The following BRD7 variants were observed in gnomAD, a reference collection of about 807,000 sequenced individuals.
BRD7 encodes the protein bromodomain-containing protein 7.
In BRD7, 15 loss-of-function variants were observed where a neutral mutation model predicts 82.1. The ratio of observed to expected loss-of-function variants is 0.18; its 90% confidence interval spans 0.12 to 0.28. The LOEUF (loss-of-function observed/expected upper bound fraction) is 0.28. BRD7 is among the 10% of genes least tolerant of loss of function. The pLI, the probability that BRD7 is intolerant of heterozygous loss-of-function variation, is 1.00. For synonymous variants in BRD7, 232 were observed against 266.9 expected, an observed-to-expected ratio of 0.87 and a Z score of 1.27; for missense variants, 638 against 779.9, an observed-to-expected ratio of 0.82 and a Z score of 2.17.
chr16:50,325,689 C>T, intron 11 of BRD7, 59 bp downstream of exon 11: 1 of 1,456,792 alleles, frequency 6.9e-7, no homozygotes, highest in Non-Finnish European at 9.2e-7. Flanking sequence ...ATCCACAAAT[C>T]ATGTATGTAC....
In BRD7 at chr16:50,354,808, A is replaced by T. The variant is rs201103198; in HGVS notation, c.373T>A (p.Leu125Ile). ...TTATTCCAACCTTCTTGTTTGGCTA[A>T]AGAGCTTGTGAGAGGCTTCTCAGGA... ...LPPEKPLTSS[L>I]AKQEEVEQTP... is the part of the protein sequence containing the mutation. Residue 125 changes from leucine to isoleucine, a missense_variant, in exon 3 of 17, where the codon TTA (leucine) becomes ATA (isoleucine). By Grantham distance (5) the Leu-to-Ile change is conservative. Transcript: ENST00000394688. The T allele has an allele frequency of 2.8e-4, 448 of 1,611,814 alleles. 2 individuals carry two copies. The highest frequency in any genetic ancestry group is 2.1e-3 in the Admixed American group (128 of 59,872).
At chr16:50,332,309 GAAAC>G (rs1295710170) in intron 8 of BRD7, among the ~76,000 whole-genome samples, 2 of 152,180 alleles carry the variant, frequency 1.3e-5, no homozygotes, top group South Asian at 2.1e-4. Context: ...AAATCAACAA[GAAAC>G]AAACAAATAG....
chr16:50,333,527 T>C (rs765443280), intron 8 of BRD7, 47 bp downstream of exon 8: 29 of 1,585,754 alleles, frequency 1.8e-5, no homozygotes, highest in East Asian at 4.5e-5. Flanking sequence ...AAGTTTCAGA[T>C]GCCCCAAATC....
chr16:50,321,173 C>T (rs934000459), intron 13 of BRD7, among the ~76,000 whole-genome samples: 10 of 152,224 alleles, frequency 6.6e-5, no homozygotes, highest in African/African-American at 1.9e-4. Flanking sequence ...CCATCTAGTC[C>T]GTATACTTGC....
intron 4 of BRD7, 50 bp downstream of exon 4, chr16:50,354,375 C>T (rs745917141): frequency 1.7e-5 from 25 of 1,467,386 alleles, no homozygotes; most frequent in Non-Finnish European, 2.1e-5. Flanking sequence ...GGATCCTACA[C>T]ATCTACCATT....
chr16:50,320,882 A>G (rs1360787034), intron 13 of BRD7, 108 bp from the exon 14 acceptor site: 1 of 754,858 alleles, frequency 1.3e-6, no homozygotes, highest in East Asian at 2.5e-5. Context: ...TATTCTACCT[A>G]TTTACTATGG....
At position 50,353,763 on chromosome 16, in the gene BRD7, T is replaced by C. The variant is rs577427357; in HGVS notation, c.446+662A>G. Among the ~76,000 whole-genome samples the C allele has an allele frequency of 8.6e-3, 1,288 of 149,616 alleles. 26 individuals are homozygous for C. Among genetic ancestry groups the C allele is most frequent in the African/African-American group, 0.03 (1,233 of 40,938 alleles). ...CGCCCATCACCATGCCTGGCAATTT[T>C]TTTTTTTTTTTTTTTAAGTACAGAT... On this transcript the variant is annotated intron_variant, in intron 4 of 16. Coordinates refer to ENST00000394688, the MANE Select transcript of BRD7 (RefSeq NM_013263.5).
At chr16:50,364,772 AATC>A (rs779285729) in intron 2 of BRD7, among the ~76,000 whole-genome samples, 4 of 152,268 alleles carry the variant, frequency 2.6e-5, no homozygotes, top group Non-Finnish European at 5.9e-5. Context: ...TAAAAGTAAT[AATC>A]ATAAGTATGG....
intron 9 of BRD7, among the ~76,000 whole-genome samples, chr16:50,328,089 T>C (rs2151144507): frequency 6.6e-6 from 1 of 152,354 alleles, no homozygotes; most frequent in South Asian, 2.1e-4. Context: ...TGACAAAAAG[T>C]TCTAATTGTG....
chr16:50,338,353 TA>T (rs1178348574), intron 6 of BRD7, among the ~76,000 whole-genome samples: 1 of 152,204 alleles, frequency 6.6e-6, no homozygotes, highest in Non-Finnish European at 1.5e-5. Context: ...AGCGCAAGAA[TA>T]ATCAACAATC....
intron 8 of BRD7, among the ~76,000 whole-genome samples, chr16:50,331,431 G>A (rs2037560994): frequency 6.6e-6 from 1 of 152,228 alleles, no homozygotes; most frequent in Admixed American, 6.5e-5. Flanking sequence ...GCTGGGCACG[G>A]TGGCTCATGT....
intron 5 of BRD7, among the ~76,000 whole-genome samples, chr16:50,341,537 G>A (rs1281461882): frequency 6.6e-6 from 1 of 151,332 alleles, no homozygotes; most frequent in African/African-American, 2.4e-5. Flanking sequence ...CAGCTACTTG[G>A]GAGGCTGAGG....
intron 2 of BRD7, among the ~76,000 whole-genome samples, chr16:50,363,672 C>T (rs113157081): frequency 0.044 from 2,785 of 63,448 alleles, 69 homozygotes; most frequent in African/African-American, 0.08. Context: ...CGCGCGCGCG[C>T]GTGCGCGTGT....
In BRD7 at chr16:50,342,862, T is replaced by A. The variant is rs867224833; in HGVS notation, c.592-2776A>T. The stretch of plus-strand genomic sequence containing the variant: ...TAAAACAGATATTATCTAAACCAAT[T>A]AAGTTTGTGGCGGTTGAATACATAG... On this transcript the variant is annotated intron_variant, in intron 5 of 16. Coordinates refer to ENST00000394688, the MANE Select transcript of BRD7 (RefSeq NM_013263.5). 5.9e-5 allele frequency among the ~76,000 whole-genome samples: 9 copies of A among 152,224 alleles called. No individual in the cohort carries two copies. The South Asian group carries it at 1.9e-3, about 32-fold the overall frequency.
intron 13 of BRD7, among the ~76,000 whole-genome samples, chr16:50,321,371 G>A (rs2037094341): frequency 6.6e-6 from 1 of 151,940 alleles, no homozygotes; most frequent in Admixed American, 6.6e-5. Flanking sequence ...AACCAGCCTG[G>A]CCAACATAGT....
intron 11 of BRD7, 103 bp downstream of exon 11, chr16:50,325,645 T>G: frequency 1.1e-6 from 1 of 899,488 alleles, no homozygotes; most frequent in Non-Finnish European, 1.5e-6. Context: ...ACTGAGCACA[T>G]TTTTTTTTAC....
rs191280174 is a variant in BRD7 at position 50,345,863 on chromosome 16, G to A, written c.591+4160C>T. On this transcript the variant is annotated intron_variant, in intron 5 of 16. Transcript: ENST00000394688. Reference sequence around the variant, plus strand: ...CTGTCAACATTAGACAGATCGACGAGACAGAAAGTTAACAAGGATATCCAG... The same window carrying A: ...CTGTCAACATTAGACAGATCGACGAAACAGAAAGTTAACAAGGATATCCAG... Among the ~76,000 whole-genome samples, 433 of 150,958 alleles carry A rather than the reference G, an allele frequency of 2.9e-3. 3 individuals are homozygous for A. The highest frequency in any genetic ancestry group is 0.01 in the African/African-American group (414 of 40,950).
At chr16:50,326,688 T>G (rs1376062190) in intron 9 of BRD7, among the ~76,000 whole-genome samples, 2 of 152,150 alleles carry the variant, frequency 1.3e-5, no homozygotes, top group African/African-American at 4.8e-5. Context: ...CACAAAAACT[T>G]TTAAAAGCTG....
At chr16:50,366,377 GT>G (rs2039144337) in intron 2 of BRD7, among the ~76,000 whole-genome samples, 1 of 152,168 alleles carries the variant, frequency 6.6e-6, no homozygotes, top group East Asian at 1.9e-4. Flanking sequence ...TAAGATAAAT[GT>G]CTCCAGAGGA....
Sources: allele counts gnomAD v4.1 joint callset (sites outside exome capture counted in the v4.1 genomes callset), GRCh38; gene constraint gnomAD v4.1.1; transcripts MANE v1.5; gene names NCBI Gene and HGNC (gene_info 2026-07-23, HGNC 2026-07-21).